Variants in KANK1 observed in about 807,000 individuals in gnomAD.
KANK1 encodes KN motif and ankyrin repeat domains 1, also known as KN motif and ankyrin repeat domain-containing protein 1.
A neutral mutation model predicts 106.2 loss-of-function variants in KANK1; 109 were observed. That is an observed-to-expected ratio of 1.03 (90% CI 0.88 to 1.20). The LOEUF (loss-of-function observed/expected upper bound fraction) is 1.20. Among genes scored for constraint, KANK1 ranks in the 50% most tolerant of loss-of-function variants. The probability of loss-of-function intolerance (pLI) is 0.00; values close to 1 mark genes in which losing one functional copy is unlikely to be tolerated. For missense variants in KANK1, 2,399 were observed against 1,710.7 expected (o/e 1.40, Z -7.10); for synonymous variants, 873 against 652.2 (o/e 1.34, Z -5.16).
chr9:615,589 C>G (rs977912385), intron 1 of KANK1, among the ~76,000 whole-genome samples: 4 of 152,178 alleles, frequency 2.6e-5, no homozygotes, highest in African/African-American at 7.2e-5. Flanking sequence ...GTACCTAGCA[C>G]AGAGTCAGTC....
At chr9:673,243 C>T (rs1815622752) in intron 1 of KANK1, among the ~76,000 whole-genome samples, 1 of 132,674 alleles carries the variant, frequency 7.5e-6, no homozygotes, top group African/African-American at 2.8e-5. Flanking sequence ...GGGTCTCTCA[C>T]TCTGCTGTGC....
intron 7 of KANK1, among the ~76,000 whole-genome samples, chr9:736,201 G>A (rs543438283): frequency 3.3e-5 from 5 of 152,212 alleles, no homozygotes; most frequent in Admixed American, 6.5e-5. Flanking sequence ...CTCGTGGTCC[G>A]CCCATCTTGG....
intron 1 of KANK1, among the ~76,000 whole-genome samples, chr9:655,443 T>TTAGG (rs1489468585): frequency 2.0e-5 from 3 of 150,658 alleles, no homozygotes; most frequent in African/African-American, 7.3e-5. Context: ...AGGTAATGGG[T>TTAGG]TAGGAAGCTT....
At chr9:480,583 A>G (rs865836614) in intron 3 of KANK1, among the ~76,000 whole-genome samples, 1 of 152,370 alleles carries the variant, frequency 6.6e-6, no homozygotes. Flanking sequence ...TACCAAAAGG[A>G]TTTAATGCAG....
upstream of KANK1, among the ~76,000 whole-genome samples, chr9:501,220 T>C (rs2058545646): frequency 6.6e-6 from 1 of 152,202 alleles, no homozygotes; most frequent in South Asian, 2.1e-4. Context: ...GGTTGCAACT[T>C]AGGACTTTAA....
At chr9:636,494 G>T (rs1182153317) in intron 1 of KANK1, among the ~76,000 whole-genome samples, 1 of 152,050 alleles carries the variant, frequency 6.6e-6, no homozygotes, top group African/African-American at 2.4e-5. Flanking sequence ...GATCATGGAG[G>T]CTCAGTCAGT....
At chr9:544,915 G>A (rs1214661348) in intron 1 of KANK1, among the ~76,000 whole-genome samples, 1 of 152,134 alleles carries the variant, frequency 6.6e-6, no homozygotes, top group Non-Finnish European at 1.5e-5. Flanking sequence ...TTTTAAGTTG[G>A]TAGGTGAAGT....
intron 2 of KANK1, among the ~76,000 whole-genome samples, chr9:699,027 G>C (rs943038801): frequency 2.6e-5 from 4 of 152,102 alleles, no homozygotes; most frequent in African/African-American, 9.7e-5. Context: ...CCTCTTCCCA[G>C]TTCTTAAAAG....
Position 711,005 on chromosome 9 carries a change from C to G in KANK1, c.239C>G (p.Ser80Cys), listed in dbSNP as rs780015706. Residue 80 changes from serine (S) to cysteine (C), a missense_variant, in exon 3 of 12, where the codon TCT becomes TGT. Coordinates refer to ENST00000382297, the MANE Select transcript of KANK1 (RefSeq NM_015158.5). ...CCATGCCCAGAACCCAGGACCACAT[C>G]TGGTCAGCAAGGTATATGGACTTCC... is the stretch of plus-strand genomic sequence containing the variant. ...SVPCPEPRTTSGQQGIWTSTE... is the reference protein window; with the variant it reads ...SVPCPEPRTTCGQQGIWTSTE... 19 of 1,614,072 alleles carry G rather than the reference C, an allele frequency of 1.2e-5. 1 individual carries two copies. The South Asian group carries it at 1.6e-4, about 14-fold the overall frequency.
chr9:566,180 A>C (rs1281988091), intron 1 of KANK1, among the ~76,000 whole-genome samples: 1 of 152,212 alleles, frequency 6.6e-6, no homozygotes, highest in Non-Finnish European at 1.5e-5. Flanking sequence ...CATGCAAAGG[A>C]CATGATCTTA....
At chr9:626,420 C>G (rs769552891) in intron 1 of KANK1, among the ~76,000 whole-genome samples, 55 of 152,050 alleles carry the variant, frequency 3.6e-4, no homozygotes, top group Non-Finnish European at 7.4e-4. Flanking sequence ...CAGAGCGAGA[C>G]TCCATCTCAA....
chr9:728,418 G>T (rs1043097130), intron 3 of KANK1, among the ~76,000 whole-genome samples: 1 of 152,112 alleles, frequency 6.6e-6, no homozygotes, highest in Non-Finnish European at 1.5e-5. Context: ...GGCTGGTCTC[G>T]GACTCTTGAC....
rs1045000040 is a variant in KANK1 at position 515,172 on chromosome 9, T to G, written c.-84+10418T>G. 2.0e-5 allele frequency among the ~76,000 whole-genome samples: 3 copies of G among 151,306 alleles called. 1 individual carries two copies. Among genetic ancestry groups the G allele is most frequent in the African/African-American group, 7.4e-5 (3 of 40,788 alleles). ...TCCTGGCTAACACAGTGAAACCCTA[T>G]CTCTACTAAAAAAATACAAAAGATT... On this transcript the variant is annotated intron_variant, in intron 1 of 11. Transcript: ENST00000382297.
intron 3 of KANK1, chr9:484,585 C>T (rs2058259678): frequency 6.6e-6 from 1 of 152,198 alleles, no homozygotes; most frequent in Admixed American, 6.5e-5. Context: ...TTTGAAGCCA[C>T]AGTCAAAAGC....
rs950851379 is a variant in KANK1, at chr9:647,742, C to T, written c.-83-29148C>T. ...ACTTGTTAACTCAGAACAACAAATA[C>T]TAAAGAAAGTGCCAAACAACCTCAA... On this transcript the variant is annotated intron_variant, in intron 1 of 11. Transcript: ENST00000382297. 2.0e-5 allele frequency among the ~76,000 whole-genome samples: 3 copies of T among 150,776 alleles called. 1 individual carries two copies. The highest frequency in any genetic ancestry group is 7.5e-5 in the African/African-American group (3 of 40,106).
intron 2 of KANK1, among the ~76,000 whole-genome samples, chr9:695,397 C>G (rs1397541345): frequency 1.3e-5 from 2 of 152,114 alleles, no homozygotes; most frequent in African/African-American, 4.8e-5. Flanking sequence ...GCTTTTATTT[C>G]CTTCCTGTGC....
In KANK1 at chr9:602,029, C is replaced by T. The variant is rs141538260; in HGVS notation, c.-83-74861C>T. 1.3e-4 allele frequency among the ~76,000 whole-genome samples: 20 copies of T among 151,960 alleles called. 1 individual carries two copies. Among genetic ancestry groups the T allele is most frequent in the African/African-American group, 4.6e-4 (19 of 41,238 alleles). On this transcript the variant is annotated intron_variant, in intron 1 of 11. Coordinates refer to ENST00000382297, the MANE Select transcript of KANK1 (RefSeq NM_015158.5). ...CTCGTTTTTAACACTTCTAGGTAGT[C>T]AGTCACTTTGATGTAAAGTCATTTT...
At chr9:676,673 T>C (rs950594982) in intron 1 of KANK1, among the ~76,000 whole-genome samples, 1 of 152,194 alleles carries the variant, frequency 6.6e-6, no homozygotes, top group Admixed American at 6.5e-5. Context: ...TTATTATGTG[T>C]AGAGACCCCC....
chr9:500,613 A>C (rs1301623429), upstream of KANK1, among the ~76,000 whole-genome samples: 1 of 152,268 alleles, frequency 6.6e-6, no homozygotes, highest in Non-Finnish European at 1.5e-5. Flanking sequence ...ATATGGAAAC[A>C]GCAGTGTGGA....
Sources: allele counts gnomAD v4.1 joint callset (sites outside exome capture counted in the v4.1 genomes callset), GRCh38; gene constraint gnomAD v4.1.1; transcripts MANE v1.5; gene names NCBI Gene and HGNC (gene_info 2026-07-23, HGNC 2026-07-21).